Variants in PCSK6 observed in about 807,000 individuals in gnomAD.
PCSK6 encodes the protein paired basic amino acid cleaving enzyme 4.
PCSK6 carries 85 observed loss-of-function variants against 123.3 expected under a neutral mutation model. The ratio of observed to expected loss-of-function variants is 0.69; its 90% CI spans 0.58 to 0.83. PCSK6 has a LOEUF of 0.83. Ranked by LOEUF, PCSK6 falls within the 40% of genes least tolerant of loss-of-function variation. The pLI is 0.00. For missense variants in PCSK6, 1,191 were observed against 1,282.3 expected (o/e 0.93, Z 1.09); for synonymous variants, 508 against 516.0 (o/e 0.98, Z 0.21).
intron 8 of PCSK6, among the ~76,000 whole-genome samples, chr15:101,390,600 GGT>G (rs1265888615): frequency 6.6e-6 from 1 of 152,174 alleles, no homozygotes; most frequent in Non-Finnish European, 1.5e-5. Flanking sequence ...AATGAATGTG[GGT>G]GGCCTCCAAA....
At chr15:101,434,236 C>G (rs2056531602) in intron 2 of PCSK6, among the ~76,000 whole-genome samples, 1 of 152,150 alleles carries the variant, frequency 6.6e-6, no homozygotes, top group Non-Finnish European at 1.5e-5. Flanking sequence ...AGATCCCGCA[C>G]AGCCCAAAGC....
intron 13 of PCSK6, 134 bp from the exon 14 acceptor site, chr15:101,332,165 T>G: frequency 1.3e-6 from 1 of 760,864 alleles, no homozygotes; most frequent in Non-Finnish European, 2.1e-6. Flanking sequence ...CCTGGTTACC[T>G]GCTGGCCAGC....
At chr15:101,427,525 G>A (rs2056299224) in intron 6 of PCSK6, among the ~76,000 whole-genome samples, 1 of 152,216 alleles carries the variant, frequency 6.6e-6, no homozygotes, top group Admixed American at 6.5e-5. Flanking sequence ...CTGGTCCCGG[G>A]TAAAAGCTGT....
intron 1 of PCSK6, among the ~76,000 whole-genome samples, chr15:101,449,934 C>T (rs1356058180): frequency 1.3e-5 from 2 of 151,990 alleles, no homozygotes; most frequent in African/African-American, 2.4e-5. Context: ...GGGGCTGGGC[C>T]GGATCTGCAC....
Position 101,450,737 on chromosome 15 carries a change from C to T in PCSK6, c.298-7077G>A, listed in dbSNP as rs148537875. On this transcript the variant is annotated intron_variant, in intron 1 of 21. Transcript: ENST00000611716. ...AGCATGCCCCCAGTGCCTTCTGGCCCGGGCTCTGCTGTCCTGTCTTTGAGC... is the reference window on the plus strand; with the variant it reads ...AGCATGCCCCCAGTGCCTTCTGGCCTGGGCTCTGCTGTCCTGTCTTTGAGC... 2.0e-3 allele frequency among the ~76,000 whole-genome samples: 304 copies of T among 152,272 alleles called. 8 individuals are homozygous for T. The South Asian group carries it at 0.039, about 19-fold the overall frequency.
In PCSK6 at chr15:101,456,440, G is replaced by A. The variant is rs74366422; in HGVS notation, c.298-12780C>T. ...CAAGCCACTGCAGGTCTCCAGAGGC[G>A]TCTGTCCATTCCCTCATTCCTTCCC... On this transcript the variant is annotated intron_variant, in intron 1 of 21. Coordinates refer to ENST00000611716, the MANE Select transcript of PCSK6 (RefSeq NM_002570.5). Among the ~76,000 whole-genome samples the A allele has an allele frequency of 8.9e-3, 1,353 of 152,254 alleles. 23 individuals are homozygous for A. The highest frequency in any genetic ancestry group is 0.039 in the South Asian group (190 of 4,816).
chr15:101,345,629 A>G (rs1261038990), intron 13 of PCSK6, among the ~76,000 whole-genome samples: 3 of 152,276 alleles, frequency 2.0e-5, no homozygotes, highest in Non-Finnish European at 4.4e-5. Context: ...TCAGCTTGAT[A>G]GCAACACTGA....
In PCSK6 at chr15:101,370,539, G is replaced by T. The variant is rs1253492776; in HGVS notation, c.1533-16C>A. 6.9e-7 allele frequency: 1 copy of T among 1,447,848 alleles called. No homozygotes were observed. The highest frequency in any genetic ancestry group is 1.4e-5 in the African/African-American group (1 of 70,010). 89.7% of individuals were successfully genotyped at this position (1,447,848 alleles called of 1,614,324 possible). On this transcript the variant is annotated splice_polypyrimidine_tract_variant and intron_variant, in intron 11 of 21. Coordinates refer to ENST00000611716, the MANE Select transcript of PCSK6 (RefSeq NM_002570.5). Reference sequence around the variant, plus strand: ...GGGGATGCTCCTGGGGGAGAAGGGAGGGCTCAGCACTTGGCACCGGAAGCA... The same window carrying T: ...GGGGATGCTCCTGGGGGAGAAGGGATGGCTCAGCACTTGGCACCGGAAGCA...
At chr15:101,453,924 G>A (rs1552949) in intron 1 of PCSK6, among the ~76,000 whole-genome samples, 36,228 of 152,096 alleles carry the variant, frequency 0.24, 4,855 homozygotes, top group South Asian at 0.34. Context: ...CAAAGGCTGT[G>A]CACAGCACAC....
rs547055696 is a variant in PCSK6 at position 101,304,012 on chromosome 15, A to G, written c.*1246T>C. The stretch of plus-strand genomic sequence containing the variant: ...TTTCTCTTTCAGAGTTGTAGATTCA[A>G]TAAACAACATCTGGGTTCTCTCCAG... On this transcript the variant is annotated 3_prime_UTR_variant, in exon 22 of 22. Coordinates refer to ENST00000611716, the MANE Select transcript of PCSK6 (RefSeq NM_002570.5). 6.5e-6 allele frequency: 1 copy of G among 152,756 alleles called. No homozygotes were observed. The highest frequency in any genetic ancestry group is 6.5e-5 in the Admixed American group (1 of 15,294). 9.5% of individuals were successfully genotyped at this position (152,756 alleles called of 1,614,324 possible).
intron 1 of PCSK6, among the ~76,000 whole-genome samples, chr15:101,471,040 C>A (rs780327416): frequency 1.3e-5 from 2 of 152,190 alleles, no homozygotes; most frequent in Non-Finnish European, 1.5e-5. Context: ...CTCTCCTCCG[C>A]AGGAAGGTCC....
intron 11 of PCSK6, among the ~76,000 whole-genome samples, chr15:101,374,548 G>A (rs1365124718): frequency 6.6e-6 from 1 of 152,130 alleles, no homozygotes; most frequent in Non-Finnish European, 1.5e-5. Flanking sequence ...GCCCATGAAT[G>A]TTCTAGGGCC....
At chr15:101,437,777 G>A (rs985509505) in intron 2 of PCSK6, among the ~76,000 whole-genome samples, 5 of 151,702 alleles carry the variant, frequency 3.3e-5, no homozygotes, top group South Asian at 2.1e-4. Context: ...CCCACCGCCC[G>A]CCACCCACCT....
At chr15:101,447,091 G>A (rs2056911702) in intron 1 of PCSK6, among the ~76,000 whole-genome samples, 1 of 152,142 alleles carries the variant, frequency 6.6e-6, no homozygotes, top group African/African-American at 2.4e-5. Context: ...TTATGATACA[G>A]CCATTGCTGT....
chr15:101,354,127 TG>T (rs1245937738), intron 13 of PCSK6, among the ~76,000 whole-genome samples: 1 of 152,140 alleles, frequency 6.6e-6, no homozygotes, highest in Non-Finnish European at 1.5e-5. Flanking sequence ...TGTGTTACAC[TG>T]GGTCTTGAAA....
chr15:101,328,359 A>G (rs1259207008), intron 15 of PCSK6, among the ~76,000 whole-genome samples: 2 of 152,152 alleles, frequency 1.3e-5, no homozygotes, highest in Non-Finnish European at 2.9e-5. Flanking sequence ...CTTTCTAGAC[A>G]CGGAATGGGA....
chr15:101,401,815 T>A (rs1324317292), intron 6 of PCSK6, among the ~76,000 whole-genome samples: 1 of 152,164 alleles, frequency 6.6e-6, no homozygotes, highest in Non-Finnish European at 1.5e-5. Flanking sequence ...ATGGAGGTAG[T>A]ATCAATATTG....
At chr15:101,346,776 T>C (rs750611793) in intron 13 of PCSK6, 3 of 1,230,716 alleles carry the variant, frequency 2.4e-6, no homozygotes, top group Non-Finnish European at 3.0e-6. Flanking sequence ...AAATTAGCTA[T>C]GAGGTGAGAC....
intron 11 of PCSK6, 29 bp downstream of exon 11, chr15:101,382,063 A>G: frequency 6.7e-7 from 1 of 1,497,880 alleles, no homozygotes; most frequent in Non-Finnish European, 9.2e-7. Flanking sequence ...CGTGCCTGAG[A>G]AGTCACCGAT....
Sources: allele counts gnomAD v4.1 joint callset (sites outside exome capture counted in the v4.1 genomes callset), GRCh38; gene constraint gnomAD v4.1.1; transcripts MANE v1.5; gene names NCBI Gene and HGNC (gene_info 2026-07-23, HGNC 2026-07-21).